Variants in HFM1 observed in about 807,000 individuals in gnomAD.
The protein encoded by HFM1 is helicase for meiosis 1, also known as probable ATP-dependent DNA helicase HFM1.
Under a neutral mutation model 192.1 loss-of-function variants are expected in HFM1, and 169 were observed. The observed-to-expected ratio is 0.88, with a 90% CI of 0.78 to 1.00. The LOEUF is 1.00. Among genes scored for constraint, HFM1 ranks in the 50% least tolerant of loss-of-function variants. HFM1 has a pLI of 0.00. For missense variants in HFM1, 1,661 were observed against 1,668.0 expected (o/e 1.00, Z 0.07); for synonymous variants, 525 against 537.8 (o/e 0.98, Z 0.33).
At position 91,404,797 on chromosome 1, in the gene HFM1, C is replaced by T. The variant is rs1218721259; in HGVS notation, c.-28+1G>A. 6.6e-6 allele frequency: 3 copies of T among 452,280 alleles called. No individual in the cohort carries two copies. Among genetic ancestry groups the T allele is most frequent in the Admixed American group, 2.4e-5 (1 of 42,156 alleles). 28.0% of individuals were successfully genotyped at this position (452,280 alleles called of 1,614,324 possible). ...GCGGGCGTCCGGGCCCCTCTCCTCACCTCCCTGCGGACAGCTCCTAGGCCA... is the reference window on the plus strand; with the variant it reads ...GCGGGCGTCCGGGCCCCTCTCCTCATCTCCCTGCGGACAGCTCCTAGGCCA... On this transcript the variant is annotated splice_donor_variant, in intron 1 of 38. Transcript: ENST00000370425. LOFTEE classifies it low-confidence loss of function (5UTR_SPLICE).
In HFM1 at chr1:91,385,746, G is replaced by A. The variant is rs1299213476; in HGVS notation, c.583C>T (p.Gln195Ter). The change falls in exon 5 of 39, where the codon CAA becomes TAA. Residue 195 changes from glutamine (Q) to a stop codon, truncating the protein, a stop_gained. Transcript: ENST00000370425. LOFTEE classifies it high-confidence loss of function. The part of the protein sequence containing the change: ...DSHIGSVKIV[Q>*]TEMNKGKSRN... The stretch of plus-strand genomic sequence containing the variant: ...GATTTCCCTTTGTTCATTTCTGTTT[G>A]TACAATTTTCACTGAGCCAATGTGA... 6.2e-7 allele frequency: 1 copy of A among 1,612,130 alleles called. No homozygotes were observed.
chr1:91,372,200 A>G (rs1001137179), intron 13 of HFM1, among the ~76,000 whole-genome samples: 11 of 152,220 alleles, frequency 7.2e-5, no homozygotes, highest in Non-Finnish European at 1.5e-4. Context: ...GGGATCTACA[A>G]CTAGAAATAC....
chr1:91,353,045 A>T lies in HFM1; in HGVS notation c.1831+6T>A. 6.5e-7 allele frequency: 1 copy of T among 1,535,584 alleles called. No homozygotes were observed. Among genetic ancestry groups the T allele is most frequent in the Non-Finnish European group, 9.0e-7 (1 of 1,113,540 alleles). On this transcript the variant is annotated splice_donor_region_variant and intron_variant, in intron 15 of 38. Coordinates refer to ENST00000370425, the MANE Select transcript of HFM1 (RefSeq NM_001017975.6). Reference sequence around the variant, plus strand: ...ATAGTATCCACGAGAAATATGTTTTACTTACAAAGAACTGGTAAATCTCCA... The same window carrying T: ...ATAGTATCCACGAGAAATATGTTTTTCTTACAAAGAACTGGTAAATCTCCA...
intron 20 of HFM1, among the ~76,000 whole-genome samples, chr1:91,330,495 A>C (rs1252923501): frequency 6.6e-6 from 1 of 152,152 alleles, no homozygotes; most frequent in South Asian, 2.1e-4. Context: ...AAGTAATGAG[A>C]TTGAAACCAT....
intron 13 of HFM1, among the ~76,000 whole-genome samples, chr1:91,363,572 G>C (rs282050): frequency 0.9 from 136,217 of 151,812 alleles, 61,164 homozygotes; most frequent in Middle Eastern, 0.95. Flanking sequence ...AAAAAGGAAC[G>C]CTTTTACACT....
At chr1:91,331,336 C>T (rs1210541620) in intron 20 of HFM1, among the ~76,000 whole-genome samples, 1 of 151,940 alleles carries the variant, frequency 6.6e-6, no homozygotes, top group Non-Finnish European at 1.5e-5. Context: ...ACAGTGAAAA[C>T]TCTGAAAAAG....
intron 33 of HFM1, among the ~76,000 whole-genome samples, chr1:91,274,292 T>C (rs943027678): frequency 1.3e-5 from 2 of 151,978 alleles, no homozygotes; most frequent in Non-Finnish European, 2.9e-5. Flanking sequence ...TTATGGGCCA[T>C]GTTGTTGTTT....
chr1:91,331,448 G>A (rs1653805882), intron 20 of HFM1, among the ~76,000 whole-genome samples: 1 of 151,548 alleles, frequency 6.6e-6, no homozygotes, highest in Non-Finnish European at 1.5e-5. Context: ...ATAAAACACT[G>A]ATGAAATAAA....
intron 30 of HFM1, among the ~76,000 whole-genome samples, chr1:91,309,138 C>A (rs1650072408): frequency 6.6e-6 from 1 of 152,188 alleles, no homozygotes; most frequent in African/African-American, 2.4e-5. Flanking sequence ...CCTGTCACTA[C>A]TCACTGCAGT....
intron 30 of HFM1, among the ~76,000 whole-genome samples, chr1:91,304,095 T>C (rs1220592838): frequency 6.6e-6 from 1 of 152,132 alleles, no homozygotes; most frequent in Non-Finnish European, 1.5e-5. Flanking sequence ...CCTCAAGTGA[T>C]CTACCCGCCT....
chr1:91,313,211 T>C, intron 30 of HFM1, 138 bp downstream of exon 30: 1 of 513,296 alleles, frequency 1.9e-6, no homozygotes, highest in Non-Finnish European at 3.4e-6. Flanking sequence ...CTATATACTA[T>C]TAATGAAATT....
chr1:91,329,116 T>TG, intron 20 of HFM1: 1 of 1,610,006 alleles, frequency 6.2e-7, no homozygotes, highest in Middle Eastern at 1.7e-4. Flanking sequence ...AAGCGGGCTG[T>TG]GGATCTAATC....
chr1:91,388,336 T>C (rs1327117243), intron 4 of HFM1, among the ~76,000 whole-genome samples: 1 of 152,220 alleles, frequency 6.6e-6, no homozygotes, highest in Non-Finnish European at 1.5e-5. Context: ...AACTGAGCCT[T>C]CAACCTGTGG....
At chr1:91,266,423 T>C (rs1016081295) in intron 35 of HFM1, among the ~76,000 whole-genome samples, 2 of 152,182 alleles carry the variant, frequency 1.3e-5, no homozygotes, top group Non-Finnish European at 2.9e-5. Flanking sequence ...CAGCTGGTAT[T>C]CACTGTGGAA....
At chr1:91,323,739 T>C (rs1415575061) in intron 21 of HFM1, among the ~76,000 whole-genome samples, 1 of 152,224 alleles carries the variant, frequency 6.6e-6, no homozygotes, top group African/African-American at 2.4e-5. Flanking sequence ...AACACTTGTT[T>C]TAATTTTCTT....
At chr1:91,328,559 C>A (rs1283274313) in intron 20 of HFM1, 2 of 1,611,292 alleles carry the variant, frequency 1.2e-6, no homozygotes, top group African/African-American at 2.7e-5. Context: ...GAGGGTGAGA[C>A]CACCAGCCAC....
chr1:91,343,638 C>T (rs2101652531), intron 19 of HFM1, 128 bp from the exon 20 acceptor site: 1 of 398,792 alleles, frequency 2.5e-6, no homozygotes, highest in Admixed American at 4.5e-5. Flanking sequence ...ATAGTCCCTA[C>T]TTAAGCAGTA....
At chr1:91,345,148 AAAC>A (rs894148766) in intron 19 of HFM1, among the ~76,000 whole-genome samples, 6 of 152,226 alleles carry the variant, frequency 3.9e-5, no homozygotes, top group African/African-American at 7.2e-5. Context: ...AAAACAAGGA[AAAC>A]AACAACATCA....
chr1:91,268,398 T>C (rs1409061859), intron 34 of HFM1, among the ~76,000 whole-genome samples: 1 of 152,012 alleles, frequency 6.6e-6, no homozygotes, highest in Non-Finnish European at 1.5e-5. Context: ...TATTCATTGT[T>C]TACAGCCTGG....
Sources: allele counts gnomAD v4.1 joint callset (sites outside exome capture counted in the v4.1 genomes callset), GRCh38; gene constraint gnomAD v4.1.1; transcripts MANE v1.5; gene names NCBI Gene and HGNC (gene_info 2026-07-23, HGNC 2026-07-21).